The following SNTB1 variants were observed in gnomAD, a reference collection of about 807,000 sequenced individuals.
SNTB1 encodes the protein beta-1-syntrophin.
Under a neutral mutation model 48.9 loss-of-function variants are expected in SNTB1, and 36 were observed. That is an observed-to-expected ratio of 0.74 (90% CI 0.56 to 0.97). SNTB1 has a LOEUF of 0.97. Among genes scored for constraint, SNTB1 ranks in the 50% least tolerant of loss-of-function variants. SNTB1 has a pLI of 0.00. For synonymous variants in SNTB1, 299 were observed against 294.6 expected (o/e 1.01, Z -0.15); for missense variants, 786 against 703.4 (o/e 1.12, Z -1.33).
At chr8:120,800,348 G>C (rs1341133144) in intron 1 of SNTB1, among the ~76,000 whole-genome samples, 1 of 152,088 alleles carries the variant, frequency 6.6e-6, no homozygotes, top group Non-Finnish European at 1.5e-5. Context: ...AAGTGCTGAA[G>C]GAAAGCAACA....
At chr8:120,598,556 G>A (rs1816365151) in intron 3 of SNTB1, among the ~76,000 whole-genome samples, 1 of 152,200 alleles carries the variant, frequency 6.6e-6, no homozygotes, top group South Asian at 2.1e-4. Flanking sequence ...TGAGGGAGAT[G>A]AGAATAAAAG....
intron 1 of SNTB1, among the ~76,000 whole-genome samples, chr8:120,717,589 G>A (rs529160250): frequency 6.6e-6 from 1 of 152,316 alleles, no homozygotes; most frequent in South Asian, 2.1e-4. Context: ...TCTTCATCAC[G>A]GGGAAGCTTC....
At chr8:120,621,475 T>C (rs866419893) in intron 3 of SNTB1, among the ~76,000 whole-genome samples, 1 of 151,750 alleles carries the variant, frequency 6.6e-6, no homozygotes, top group Non-Finnish European at 1.5e-5. Flanking sequence ...AGTGGAGGGG[T>C]AGGGAAGGGA....
At chr8:120,733,653 T>G (rs544788712) in intron 1 of SNTB1, among the ~76,000 whole-genome samples, 14 of 152,326 alleles carry the variant, frequency 9.2e-5, no homozygotes, top group African/African-American at 2.9e-4. Flanking sequence ...AACAACCATA[T>G]CCCTTCCATT....
Position 120,686,855 on chromosome 8 carries a change from A to G in SNTB1, c.788+6837T>C, listed in dbSNP as rs140006580. Among the ~76,000 whole-genome samples the G allele has an allele frequency of 7.4e-3, 1,124 of 152,318 alleles. 10 individuals carry two copies. The highest frequency in any genetic ancestry group is 9.5e-3 in the Non-Finnish European group (648 of 68,024). On this transcript the variant is annotated intron_variant, in intron 2 of 6. Transcript: ENST00000517992. ...TTTATATATATTTTTTTCTGTTTCC[A>G]AAATTTAATGACAATCATGAATTCT...
At chr8:120,760,405 G>T (rs1026346073) in intron 1 of SNTB1, among the ~76,000 whole-genome samples, 10 of 151,840 alleles carry the variant, frequency 6.6e-5, no homozygotes, top group East Asian at 1.9e-4. Flanking sequence ...TAGATACAAA[G>T]AATTATATCT....
At chr8:120,544,392 A>G (rs566561521) in intron 5 of SNTB1, among the ~76,000 whole-genome samples, 3 of 152,336 alleles carry the variant, frequency 2.0e-5, no homozygotes, top group South Asian at 2.1e-4. Flanking sequence ...TGAATACATT[A>G]TCAAGTTAAT....
intron 1 of SNTB1, among the ~76,000 whole-genome samples, chr8:120,752,349 T>C (rs1226032234): frequency 6.6e-6 from 1 of 152,176 alleles, no homozygotes; most frequent in Non-Finnish European, 1.5e-5. Context: ...TTTTGTGTCT[T>C]AGCACATGAA....
At chr8:120,634,404 C>T (rs1035143224) in intron 2 of SNTB1, among the ~76,000 whole-genome samples, 4 of 152,074 alleles carry the variant, frequency 2.6e-5, no homozygotes, top group Non-Finnish European at 4.4e-5. Context: ...ATTAACCCCC[C>T]TTAACAGAGG....
chr8:120,640,378 C>T (rs1817169481), intron 2 of SNTB1, among the ~76,000 whole-genome samples: 1 of 152,158 alleles, frequency 6.6e-6, no homozygotes, highest in African/African-American at 2.4e-5. Flanking sequence ...ATTTCTTTCT[C>T]CTCCCTGATT....
intron 1 of SNTB1, among the ~76,000 whole-genome samples, chr8:120,789,335 GA>G (rs374687056): frequency 1.4e-5 from 2 of 145,988 alleles, no homozygotes; most frequent in East Asian, 2.0e-4. Flanking sequence ...CAAGGAAGTA[GA>G]AAAAAAAAGA....
At chr8:120,593,630 A>G (rs1197658114) in intron 3 of SNTB1, among the ~76,000 whole-genome samples, 1 of 152,258 alleles carries the variant, frequency 6.6e-6, no homozygotes, top group Admixed American at 6.5e-5. Flanking sequence ...TTTAAGAGTT[A>G]GTCTTATAAG....
rs146812678 is a variant in SNTB1 at position 120,794,924 on chromosome 8, G to T, written c.571+16349C>A. On this transcript the variant is annotated intron_variant, in intron 1 of 6. Coordinates refer to ENST00000517992, the MANE Select transcript of SNTB1 (RefSeq NM_021021.4). ...TTTAAAACCATCTACTTTCTGGTCA[G>T]TCTATCTCTAGTGACTCCTGGTTTG... 2.3e-3 allele frequency among the ~76,000 whole-genome samples: 357 copies of T among 152,084 alleles called. 1 individual carries two copies. Among genetic ancestry groups the T allele is most frequent in the African/African-American group, 8.2e-3 (341 of 41,510 alleles).
chr8:120,632,538 A>G lies in SNTB1; in HGVS notation c.902T>C (p.Leu301Pro). 1 of 1,614,172 alleles carries G rather than the reference A, an allele frequency of 6.2e-7. No individual in the cohort carries two copies. Among genetic ancestry groups the G allele is most frequent in the Non-Finnish European group, 8.5e-7 (1 of 1,180,044 alleles). The stretch of plus-strand genomic sequence containing the variant: ...TCTGACCTCAGCAATCACTCGGGTC[A>G]GCAGGTCATTAACGTTGGAATGGAT... ...SAIHSNVNDL[L>P]TRVIAEVREQ... The change falls in exon 3 of 7, where the codon CTG becomes CCG. Residue 301 changes from leucine to proline, a missense_variant. Leu to Pro is a moderately conservative substitution (Grantham distance 98). Transcript: ENST00000517992.
chr8:120,792,840 C>T (rs73707123), intron 1 of SNTB1, among the ~76,000 whole-genome samples: 3,485 of 152,058 alleles, frequency 0.023, 126 homozygotes, highest in African/African-American at 0.08. Context: ...AAGACTCATA[C>T]TTTTAATGGA....
At chr8:120,630,711 AT>A (rs1816965587) in intron 3 of SNTB1, among the ~76,000 whole-genome samples, 1 of 152,050 alleles carries the variant, frequency 6.6e-6, no homozygotes, top group South Asian at 2.1e-4. Flanking sequence ...GATTTTTTCC[AT>A]TAGAGAACCA....
intron 1 of SNTB1, 70 bp downstream of exon 1, chr8:120,811,203 G>A (rs899779949): frequency 2.0e-6 from 3 of 1,520,986 alleles, no homozygotes; most frequent in Admixed American, 2.0e-5. Context: ...GTGTGAGTGT[G>A]AGCGTGCGGG....
At chr8:120,601,195 A>C (rs553356082) in intron 3 of SNTB1, among the ~76,000 whole-genome samples, 5 of 152,026 alleles carry the variant, frequency 3.3e-5, no homozygotes, top group African/African-American at 1.2e-4. Context: ...GAGATTTGCT[A>C]TTCCTGGAGT....
intron 4 of SNTB1, among the ~76,000 whole-genome samples, chr8:120,552,755 A>T (rs1815502904): frequency 1.3e-5 from 2 of 152,138 alleles, no homozygotes; most frequent in South Asian, 4.1e-4. Flanking sequence ...TTTTGGGATG[A>T]TTCAAGCGCA....
Sources: allele counts gnomAD v4.1 joint callset (sites outside exome capture counted in the v4.1 genomes callset), GRCh38; gene constraint gnomAD v4.1.1; transcripts MANE v1.5; gene names NCBI Gene and HGNC (gene_info 2026-07-23, HGNC 2026-07-21).